CRACD: variants seen among roughly 807,000 people sequenced by gnomAD.
The protein encoded by CRACD is capping protein-inhibiting regulator of actin dynamics.
CRACD carries 56 observed loss-of-function variants against 106.8 expected under a neutral mutation model. The observed-to-expected ratio is 0.52, with a 90% CI of 0.42 to 0.66. The LOEUF (loss-of-function observed/expected upper bound fraction) is 0.66. Among genes scored for constraint, CRACD ranks in the 30% least tolerant of loss-of-function variants. The pLI is 0.00. For synonymous variants in CRACD, 754 were observed against 670.8 expected (o/e 1.12, Z -1.92); for missense variants, 1,730 against 1,623.2 (o/e 1.07, Z -1.13).
chr4:56,099,660 C>T (rs1262610520), intron 1 of CRACD, among the ~76,000 whole-genome samples: 4 of 152,094 alleles, frequency 2.6e-5, no homozygotes, highest in African/African-American at 9.7e-5. Context: ...TTGAGACTTT[C>T]GTGGGCCAAG....
intron 1 of CRACD, among the ~76,000 whole-genome samples, chr4:56,151,914 G>A (rs1173030547): frequency 6.6e-6 from 1 of 152,056 alleles, no homozygotes; most frequent in Non-Finnish European, 1.5e-5. Context: ...CTATCAGGTG[G>A]CTCTTGATTT....
rs755984041 is a variant in CRACD, at chr4:56,324,200, G to A, written c.3475G>A (p.Ala1159Thr). The A allele has an allele frequency of 1.2e-6, 2 of 1,614,230 alleles. No individual in the cohort carries two copies. The highest frequency in any genetic ancestry group is 1.1e-5 in the South Asian group (1 of 91,080). Residue 1159 changes from alanine to threonine, a missense_variant, in exon 10 of 11, where the codon GCA becomes ACA. Ala to Thr is a moderately conservative substitution (Grantham distance 58). Coordinates refer to ENST00000682029, the MANE Select transcript of CRACD (RefSeq NM_001393381.1). ...GCCAGAAGAGAAGAGGCCCGAGACT[G>A]CAGTGTCCAGGCTTGAGCGCAGAGA... ...ALPEEKRPET[A>T]VSRLERREQL...
At position 56,315,824 on chromosome 4, in the gene CRACD, G is replaced by C. The variant is rs1471708303; in HGVS notation, c.2322G>C (p.Glu774Asp). The part of the protein sequence containing the change: ...AGVRELGKGP[E>D]KSEMHREPAD... ...TTCGCGAGCTCGGGAAGGGTCCGGAGAAGTCGGAGATGCACCGGGAGCCCG... is the reference window on the plus strand; with the variant it reads ...TTCGCGAGCTCGGGAAGGGTCCGGACAAGTCGGAGATGCACCGGGAGCCCG... Residue 774 changes from glutamate (E) to aspartate (D), a missense_variant, in exon 8 of 11, where the codon GAG becomes GAC. By Grantham distance (45) the Glu-to-Asp change is conservative (BLOSUM62 2). Coordinates refer to ENST00000682029, the MANE Select transcript of CRACD (RefSeq NM_001393381.1). This position sits in a 1 kb window ranked among gnomAD's most constrained non-coding sequence, Gnocchi z 4.1. 2 of 1,614,224 alleles carry C rather than the reference G, an allele frequency of 1.2e-6. No individual in the cohort carries two copies. The highest frequency in any genetic ancestry group is 2.2e-5 in the South Asian group (2 of 91,090).
At chr4:56,150,341 G>A (rs1735537902) in intron 1 of CRACD, among the ~76,000 whole-genome samples, 2 of 152,154 alleles carry the variant, frequency 1.3e-5, no homozygotes, top group African/African-American at 4.8e-5. Context: ...TAGCTGGTAC[G>A]TAGTAAGCAT....
At position 56,329,904 on chromosome 4, in the gene CRACD, C is replaced by T. The variant is rs990659813; in HGVS notation, c.*2100C>T. Among the ~76,000 whole-genome samples the T allele has an allele frequency of 6.6e-6, 1 of 152,040 alleles. No homozygotes were observed. The highest frequency in any genetic ancestry group is 1.5e-5 in the Non-Finnish European group (1 of 68,016). ...TTGTATTGGCTGGGATATCACTGTG[C>T]CCAAACAAAACAGGCGAAATACCTC... On this transcript the variant is annotated 3_prime_UTR_variant, in exon 11 of 11. Transcript: ENST00000682029.
At chr4:56,151,091 G>A (rs181627154) in intron 1 of CRACD, among the ~76,000 whole-genome samples, 17 of 152,280 alleles carry the variant, frequency 1.1e-4, no homozygotes, top group Admixed American at 7.2e-4. Flanking sequence ...CTGCCTCCCG[G>A]GTTCCAGCAA....
rs528450910 is a variant in CRACD, at chr4:56,156,982, G to A, written c.-335-22302G>A. Among the ~76,000 whole-genome samples, 19 of 152,160 alleles carry A rather than the reference G, an allele frequency of 1.2e-4. No homozygotes were observed. The South Asian group carries it at 3.9e-3, about 32-fold the overall frequency. ...TAACTCAGTGCCAAGAGCAGTGCCT[G>A]GAAATAATGGGCACTTAATAAACAT... is the stretch of plus-strand genomic sequence containing the variant. On this transcript the variant is annotated intron_variant, in intron 1 of 10. Coordinates refer to ENST00000682029, the MANE Select transcript of CRACD (RefSeq NM_001393381.1).
intron 1 of CRACD, among the ~76,000 whole-genome samples, chr4:56,063,142 G>T (rs1397279759): frequency 6.6e-6 from 1 of 152,064 alleles, no homozygotes; most frequent in African/African-American, 2.4e-5. Context: ...AGGTCATATT[G>T]GGCTTGCTTA....
At chr4:56,076,405 AT>A (rs879709907) in intron 1 of CRACD, among the ~76,000 whole-genome samples, 1 of 152,024 alleles carries the variant, frequency 6.6e-6, no homozygotes, top group Non-Finnish European at 1.5e-5. Context: ...TAACTACCTT[AT>A]TTTTTTTACT....
chr4:56,172,020 C>CTTTTTTTTTTTTTTTTTTTTTT (rs35574683), intron 1 of CRACD, among the ~76,000 whole-genome samples: 1 of 106,372 alleles, frequency 9.4e-6, no homozygotes, highest in Non-Finnish European at 1.9e-5. Context: ...GAGGGTTTCT[C>CTTTTTTTTTTTTTTTTTTTTTT]TTTTTTTTTT....
rs559795453 is a variant in CRACD, at chr4:56,249,702, T to G, written c.-188-22619T>G. On this transcript the variant is annotated intron_variant, in intron 2 of 10. Transcript: ENST00000682029. ...AGGGAGATGCCTCCCTGAGCCTATC[T>G]ATTAGCTCTTTACACCAGAGCCTTG... Among the ~76,000 whole-genome samples the G allele has an allele frequency of 2.0e-5, 3 of 152,326 alleles. No homozygotes were observed. In the South Asian group the frequency reaches 6.2e-4, roughly 32 times the overall value.
Position 56,314,694 on chromosome 4 carries a change from G to T in CRACD, c.1192G>T (p.Glu398Ter). ...TGGGGAGGGCCGGCGGGGCGCGGAG[G>T]AGGAGGATCTGGGGGAAGAGGAGGA... ...ETGEGRRGAE[E>*]EDLGEEEEEG... is the part of the protein sequence containing the mutation. The change falls in exon 8 of 11, where the codon GAG (glutamate) becomes TAG (stop). Residue 398 changes from glutamate (E) to a stop codon, truncating the protein, a stop_gained. Transcript: ENST00000682029. LOFTEE classifies it high-confidence loss of function. The surrounding 1 kb of genome is among the most constrained non-coding windows in gnomAD (Gnocchi z 4.4). 1 of 1,557,036 alleles carries T rather than the reference G, an allele frequency of 6.4e-7. No homozygotes were observed. The highest frequency in any genetic ancestry group is 8.7e-7 in the Non-Finnish European group (1 of 1,150,404).
intron 1 of CRACD, among the ~76,000 whole-genome samples, chr4:56,060,787 A>G (rs1299582450): frequency 1.3e-5 from 2 of 152,074 alleles, no homozygotes; most frequent in Non-Finnish European, 2.9e-5. Flanking sequence ...ATCCTGATGA[A>G]TAGGATAAGT....
chr4:56,254,510 T>TTTTC (rs1037932200), intron 2 of CRACD, among the ~76,000 whole-genome samples: 3 of 151,730 alleles, frequency 2.0e-5, no homozygotes, highest in African/African-American at 7.3e-5. Flanking sequence ...AACACTAAGG[T>TTTTC]TTTCATTCTG....
chr4:56,177,598 G>A (rs1207919532), intron 1 of CRACD, among the ~76,000 whole-genome samples: 1 of 152,136 alleles, frequency 6.6e-6, no homozygotes, highest in Non-Finnish European at 1.5e-5. Context: ...ATTGGTATTA[G>A]TTTTTCTTTA....
chr4:56,053,060 T>C (rs1378535446), intron 1 of CRACD, among the ~76,000 whole-genome samples: 1 of 152,196 alleles, frequency 6.6e-6, no homozygotes, highest in Non-Finnish European at 1.5e-5. Context: ...ATAGAGTCAA[T>C]TAATTGGTCA....
At chr4:56,240,678 C>G (rs1393651015) in intron 2 of CRACD, among the ~76,000 whole-genome samples, 1 of 152,076 alleles carries the variant, frequency 6.6e-6, no homozygotes, top group East Asian at 1.9e-4. Flanking sequence ...CTAATTTTTT[C>G]TGTAGAAACA....
At chr4:56,239,901 A>G (rs1210011737) in intron 2 of CRACD, among the ~76,000 whole-genome samples, 6 of 152,180 alleles carry the variant, frequency 3.9e-5, no homozygotes, top group Non-Finnish European at 7.3e-5. Context: ...TAGACAGTAC[A>G]GATGAACATC....
intron 2 of CRACD, among the ~76,000 whole-genome samples, chr4:56,244,213 AT>A (rs1243631901): frequency 1.3e-5 from 2 of 152,056 alleles, no homozygotes; most frequent in African/African-American, 4.8e-5. Flanking sequence ...AATTTACATA[AT>A]GGAGTTTCCC....
Sources: allele counts gnomAD v4.1 joint callset (sites outside exome capture counted in the v4.1 genomes callset), GRCh38; gene constraint gnomAD v4.1.1; non-coding constraint Gnocchi (gnomAD v3.1); transcripts MANE v1.5; gene names NCBI Gene and HGNC (gene_info 2026-07-23, HGNC 2026-07-21).